Variants in SMG1 observed in about 807,000 individuals in gnomAD.
SMG1 encodes the protein SMG1 nonsense mediated mRNA decay associated PI3K related kinase, also known as serine/threonine-protein kinase SMG1.
A neutral mutation model predicts 419.9 loss-of-function variants in SMG1; 22 were observed. The observed-to-expected ratio is 0.05, with a 90% CI of 0.04 to 0.07. The LOEUF is 0.07. Among genes scored for constraint, SMG1 ranks in the 10% least tolerant of loss-of-function variants. The pLI, the probability that SMG1 is intolerant of heterozygous loss-of-function variation, is 1.00. For missense variants in SMG1, 3,185 were observed against 4,342.0 expected, an observed-to-expected ratio of 0.73 and a Z score of 7.49; for synonymous variants, 1,538 against 1,553.5, an observed-to-expected ratio of 0.99 and a Z score of 0.23.
At chr16:18,904,324 AAAAAAACAAAAAAC>A (rs552963548) in intron 1 of SMG1, among the ~76,000 whole-genome samples, 1 of 151,808 alleles carries the variant, frequency 6.6e-6, no homozygotes, top group African/African-American at 2.4e-5. Flanking sequence ...TCTTACTTTA[AAAAAAACAAAAAAC>A]AAAAAACAAA....
At chr16:18,901,663 T>C (rs1336915134) in intron 1 of SMG1, among the ~76,000 whole-genome samples, 1 of 152,132 alleles carries the variant, frequency 6.6e-6, no homozygotes, top group Non-Finnish European at 1.5e-5. Context: ...CTCTAAACTC[T>C]TGAAATGTCA....
chr16:18,819,472 T>C (rs747423478), intron 56 of SMG1, 30 bp downstream of exon 56: 1 of 1,601,812 alleles, frequency 6.2e-7, no homozygotes, highest in Admixed American at 1.7e-5. Flanking sequence ...TAAAAGTGAA[T>C]ACAAAGATGG....
intron 1 of SMG1, among the ~76,000 whole-genome samples, chr16:18,904,065 G>A (rs1251487501): frequency 6.7e-6 from 1 of 149,972 alleles, no homozygotes; most frequent in African/African-American, 2.5e-5. Flanking sequence ...AGCCTCCCGA[G>A]TAGCTGGAAC....
intron 40 of SMG1, 122 bp downstream of exon 40, chr16:18,842,086 A>G: frequency 1.8e-6 from 2 of 1,104,110 alleles, no homozygotes; most frequent in East Asian, 2.6e-5. Flanking sequence ...AGGGCACTGC[A>G]GGCTAATAAT....
At chr16:18,877,003 A>G in intron 12 of SMG1, 128 bp downstream of exon 12, 1 of 647,746 alleles carries the variant, frequency 1.5e-6, no homozygotes, top group East Asian at 2.9e-5. Flanking sequence ...GAACAAATAC[A>G]ATCACTATAT....
intron 29 of SMG1, chr16:18,856,849 AAC>A (rs1326014826): frequency 2.8e-5 from 4 of 144,006 alleles, no homozygotes; most frequent in African/African-American, 5.3e-5. Flanking sequence ...CAGCCTGGGC[AAC>A]AGAGTGAGAT....
intron 18 of SMG1, 62 bp downstream of exon 18, chr16:18,870,548 T>C (rs2035759300): frequency 2.1e-6 from 2 of 962,946 alleles, no homozygotes; most frequent in Non-Finnish European, 3.2e-6. Flanking sequence ...TCTCCTAAAG[T>C]AGACAACCAG....
At chr16:18,859,411 T>C (rs1219930604) in intron 27 of SMG1, 145 bp downstream of exon 27, 28 of 689,152 alleles carry the variant, frequency 4.1e-5, no homozygotes, top group Non-Finnish European at 6.0e-5. Context: ...AGCATTCATA[T>C]ATCATATGAC....
Position 18,839,757 on chromosome 16 carries a change from G to C in SMG1, c.6886C>G (p.Leu2296Val). Residue 2296 changes from leucine to valine, a missense_variant, in exon 42 of 63, where the codon CTT becomes GTT. Transcript: ENST00000446231. ...CAAGATGACCAGAGCTCTTTGGCAA[G>C]GAGATTCGGGGGTGTGGCCTCCATT... ...ELMEATPPNL[L>V]AKELWSSCTT... 2 of 1,614,000 alleles carry C rather than the reference G, an allele frequency of 1.2e-6. No individual in the cohort carries two copies. The highest frequency in any genetic ancestry group is 1.7e-6 in the Non-Finnish European group (2 of 1,179,896).
intron 55 of SMG1, among the ~76,000 whole-genome samples, chr16:18,820,498 C>G (rs1357242430): frequency 6.6e-6 from 1 of 152,224 alleles, no homozygotes; most frequent in Non-Finnish European, 1.5e-5. Flanking sequence ...ACCACCATGC[C>G]TGGCCAAGTT....
Position 18,830,361 on chromosome 16 carries a change from T to G in SMG1, c.8801A>C (p.His2934Pro). 6.2e-7 allele frequency: 1 copy of G among 1,613,884 alleles called. No homozygotes were observed. Among genetic ancestry groups the G allele is most frequent in the South Asian group, 1.1e-5 (1 of 91,066 alleles). ...AHYIDVARLL[H>P]AQYGELIQPR... ...TTGGATTAATTCACCGTACTGAGCA[T>G]GTAGTAGTCTACAGAAAAACAAAAG... is the stretch of plus-strand genomic sequence containing the variant. Residue 2934 changes from histidine to proline, a missense_variant, in exon 52 of 63, where the codon CAT becomes CCT. Coordinates refer to ENST00000446231, the MANE Select transcript of SMG1 (RefSeq NM_015092.5).
chr16:18,851,149 T>C (rs1279980453), intron 33 of SMG1, among the ~76,000 whole-genome samples: 2 of 152,246 alleles, frequency 1.3e-5, no homozygotes, highest in East Asian at 1.9e-4. Flanking sequence ...TTCACAGTAC[T>C]GTGCATGTAT....
chr16:18,837,922 A>G, intron 45 of SMG1, 92 bp downstream of exon 45: 1 of 1,404,108 alleles, frequency 7.1e-7, no homozygotes. Context: ...TGCCAAAAAA[A>G]TTAGAGAAAC....
chr16:18,898,271 A>T (rs1207818111), intron 1 of SMG1, among the ~76,000 whole-genome samples: 1 of 152,224 alleles, frequency 6.6e-6, no homozygotes, highest in Non-Finnish European at 1.5e-5. Flanking sequence ...AAGGATCTCA[A>T]TCTGAAACTT....
At chr16:18,908,103 C>G (rs560573207) in intron 1 of SMG1, among the ~76,000 whole-genome samples, 16 of 152,214 alleles carry the variant, frequency 1.1e-4, no homozygotes, top group African/African-American at 3.1e-4. Context: ...CAGTTGATCA[C>G]TCCTGTAATC....
At position 18,868,444 on chromosome 16, in the gene SMG1, C is replaced by T. The variant is rs189054169; in HGVS notation, c.3030+79G>A. The T allele has an allele frequency of 6.9e-3, 10,259 of 1,495,434 alleles. 480 individuals are homozygous for T. In the East Asian group the frequency reaches 0.096, roughly 14 times the overall value. 92.6% of individuals were successfully genotyped at this position (1,495,434 alleles called of 1,614,324 possible). ...TATATAAACCAAATACACAAGTCTA[C>T]TGTGATTTCAGCTCTGCACATACTG... On this transcript the variant is annotated intron_variant, in intron 21 of 62. Coordinates refer to ENST00000446231, the MANE Select transcript of SMG1 (RefSeq NM_015092.5).
At chr16:18,899,805 ATC>A (rs1319034729) in intron 1 of SMG1, among the ~76,000 whole-genome samples, 1 of 152,136 alleles carries the variant, frequency 6.6e-6, no homozygotes, top group East Asian at 1.9e-4. Flanking sequence ...AAAAAAGAAA[ATC>A]TATCTGTTAA....
chr16:18,853,470 C>G (rs1304241824), intron 31 of SMG1, 113 bp downstream of exon 31: 1 of 974,456 alleles, frequency 1.0e-6, no homozygotes, highest in Non-Finnish European at 1.4e-6. Context: ...AACTCAACTT[C>G]CACAGATATA....
intron 1 of SMG1, among the ~76,000 whole-genome samples, chr16:18,897,278 G>C (rs1176052047): frequency 2.0e-5 from 3 of 152,106 alleles, no homozygotes; most frequent in Non-Finnish European, 4.4e-5. Flanking sequence ...AGAACAATTG[G>C]TTACTCTGGT....
Sources: gnomAD v4.1 joint callset for allele counts (sites outside exome capture counted in the v4.1 genomes callset) on GRCh38, gnomAD v4.1.1 for gene constraint, MANE v1.5 for transcripts, NCBI Gene and HGNC (gene_info 2026-07-23, HGNC 2026-07-21) for gene names.